The following ERICH3 variants were observed in gnomAD, a reference collection of about 807,000 sequenced individuals.
ERICH3 encodes the protein glutamate rich 3.
A neutral mutation model predicts 131.1 loss-of-function variants in ERICH3; 126 were observed. The ratio of observed to expected loss-of-function variants is 0.96; its 90% CI spans 0.83 to 1.11. The LOEUF (loss-of-function observed/expected upper bound fraction) is 1.11, where lower values mean the gene tolerates loss of function less well. ERICH3 is among the 50% of genes most tolerant of loss of function. ERICH3 has a pLI of 0.00. For missense variants in ERICH3, 2,050 were observed against 1,810.7 expected, an observed-to-expected ratio of 1.13 and a Z score of -2.40; for synonymous variants, 695 against 644.6, an observed-to-expected ratio of 1.08 and a Z score of -1.18.
intron 13 of ERICH3, among the ~76,000 whole-genome samples, chr1:74,575,907 A>G (rs1647044287): frequency 6.6e-6 from 1 of 150,634 alleles, no homozygotes; most frequent in Non-Finnish European, 1.5e-5. Context: ...TCTAAGAAAT[A>G]TTAGTATAAA....
Position 74,649,324 on chromosome 1 carries a change from C to T in ERICH3, c.24-9G>A, listed in dbSNP as rs776718158. ...TATATGCAGCAAGTAACCTAAAATA[C>T]AAAAATAAAACCAATAAGCTTTTAC... On this transcript the variant is annotated splice_polypyrimidine_tract_variant and intron_variant, in intron 1 of 14. Coordinates refer to ENST00000326665, the MANE Select transcript of ERICH3 (RefSeq NM_001002912.5). 7 of 1,601,814 alleles carry T rather than the reference C, an allele frequency of 4.4e-6. No homozygotes were observed. The African/African-American group carries it at 8.1e-5, about 18-fold the overall frequency.
chr1:74,572,818 T>C lies in ERICH3; in HGVS notation c.2892A>G (p.Ser964=), dbSNP rs766249203. 3.0e-5 allele frequency: 49 copies of C among 1,613,782 alleles called. No individual in the cohort carries two copies. Among genetic ancestry groups the C allele is most frequent in the African/African-American group, 4.0e-5 (3 of 74,898 alleles). Residue 964 remains serine, a synonymous_variant, in exon 14 of 15, where the codon TCA becomes TCG. Transcript: ENST00000326665. ...EDTGPMEDTA[S]KREDGSEEAI... is the part of the protein sequence containing the mutation. The stretch of plus-strand genomic sequence containing the variant: ...CCTCTTCAGAACCGTCCTCTCTCTT[T>C]GATGCTGTGTCCTCCATGGGTCCTG...
intron 11 of ERICH3, among the ~76,000 whole-genome samples, chr1:74,595,034 A>G (rs1267666210): frequency 1.3e-5 from 2 of 152,090 alleles, no homozygotes; most frequent in Non-Finnish European, 2.9e-5. Context: ...CAATTCTAAT[A>G]CCATCCAATT....
chr1:74,586,495 C>G (rs1557670044), intron 12 of ERICH3: 9 of 984,196 alleles, frequency 9.1e-6, no homozygotes, highest in East Asian at 2.3e-4. Context: ...TTATTCTTCT[C>G]TGTTCTGTAA....
At chr1:74,635,451 C>T (rs983275036) in intron 6 of ERICH3, among the ~76,000 whole-genome samples, 1 of 152,084 alleles carries the variant, frequency 6.6e-6, no homozygotes, top group Non-Finnish European at 1.5e-5. Context: ...GAATTAATTT[C>T]TTAGTGTCAA....
At position 74,571,167 on chromosome 1, in the gene ERICH3, G is replaced by T; in HGVS notation, c.4543C>A (p.Gln1515Lys). Residue 1515 changes from glutamine to lysine, a missense_variant, in exon 14 of 15, where the codon CAA becomes AAA. Gln to Lys is a moderately conservative substitution (Grantham distance 53, BLOSUM62 1). Coordinates refer to ENST00000326665, the MANE Select transcript of ERICH3 (RefSeq NM_001002912.5). ...ETREKQQHMV[Q>K]GESETADVSP... ...ACATCTGCAGTCTCGCTTTCTCCTT[G>T]CACCATATGCTGTTGCTTCTCTCGG... 6.2e-7 allele frequency: 1 copy of T among 1,614,052 alleles called. No individual in the cohort carries two copies. Among genetic ancestry groups the T allele is most frequent in the Non-Finnish European group, 8.5e-7 (1 of 1,179,998 alleles).
chr1:74,665,917 G>A (rs1646687730), intron 1 of ERICH3, among the ~76,000 whole-genome samples: 1 of 152,072 alleles, frequency 6.6e-6, no homozygotes, highest in Non-Finnish European at 1.5e-5. Context: ...TAACCAGAAA[G>A]GTGACCAACC....
chr1:74,615,832 C>G lies in ERICH3; in HGVS notation c.1001-3023G>C, dbSNP rs1648935749. On this transcript the variant is annotated intron_variant, in intron 8 of 14. Transcript: ENST00000326665. ...GGTAGGCCAGGCCACAAATAACCAG[C>G]CGCTTTGCTGTCTGTGGGGGTTGAC... is the stretch of plus-strand genomic sequence containing the variant. Among the ~76,000 whole-genome samples, 3 of 152,184 alleles carry G rather than the reference C, an allele frequency of 2.0e-5. No individual in the cohort carries two copies. In the South Asian group the frequency reaches 6.2e-4, roughly 32 times the overall value.
Position 74,672,645 on chromosome 1 carries a change from C to T in ERICH3, c.23+852G>A, listed in dbSNP as rs1646752365. Among the ~76,000 whole-genome samples the T allele has an allele frequency of 1.3e-5, 2 of 152,092 alleles. 1 individual carries two copies. The highest frequency in any genetic ancestry group is 4.1e-4 in the South Asian group (2 of 4,824). On this transcript the variant is annotated intron_variant, in intron 1 of 14. Transcript: ENST00000326665. ...TAAATGCAATTAAAAAGGAAAGTGC[C>T]TTCAATTTAATTGCAAGATTGACTA... is the stretch of plus-strand genomic sequence containing the variant.
At chr1:74,657,023 T>C (rs910353264) in intron 1 of ERICH3, among the ~76,000 whole-genome samples, 11 of 152,190 alleles carry the variant, frequency 7.2e-5, no homozygotes, top group African/African-American at 2.4e-4. Context: ...AATCAGTTAA[T>C]GGAAACAAAG....
chr1:74,606,811 C>G lies in ERICH3; in HGVS notation c.1279G>C (p.Ala427Pro). 2.5e-6 allele frequency: 4 copies of G among 1,613,274 alleles called. No individual in the cohort carries two copies. The highest frequency in any genetic ancestry group is 1.3e-5 in the African/African-American group (1 of 74,926). ...CTCTCTTTCCTCACTTTCCCCTCAGCCTTCTTCAGTTCCTCTCCTTTCTCA... is the reference window on the plus strand; with the variant it reads ...CTCTCTTTCCTCACTTTCCCCTCAGGCTTCTTCAGTTCCTCTCCTTTCTCA... ...STEKGEELKK[A>P]EGKVRKEREY... Residue 427 changes from alanine to proline, a missense_variant, in exon 10 of 15, where the codon GCT (alanine) becomes CCT (proline). Physicochemically the swap from Ala to Pro is conservative, Grantham distance 27. Coordinates refer to ENST00000326665, the MANE Select transcript of ERICH3 (RefSeq NM_001002912.5).
chr1:74,599,971 A>G (rs1353422777), intron 10 of ERICH3, 40 bp from the exon 11 acceptor site: 1 of 1,397,654 alleles, frequency 7.2e-7, no homozygotes, highest in Non-Finnish European at 9.9e-7. Flanking sequence ...TGAAAATAGA[A>G]CCCCTTATAC....
intron 12 of ERICH3, chr1:74,579,698 C>G: frequency 7.1e-6 from 7 of 985,298 alleles, no homozygotes; most frequent in Non-Finnish European, 8.4e-6. Flanking sequence ...TGTTTTCCAC[C>G]CATAGTAAAA....
At chr1:74,632,573 C>T (rs1396756396) in intron 6 of ERICH3, among the ~76,000 whole-genome samples, 6 of 151,922 alleles carry the variant, frequency 3.9e-5, no homozygotes, top group African/African-American at 1.4e-4. Context: ...TGCACACACA[C>T]ACACATATAT....
intron 1 of ERICH3, among the ~76,000 whole-genome samples, chr1:74,653,377 G>T (rs1357740740): frequency 1.3e-5 from 2 of 151,956 alleles, no homozygotes; most frequent in Non-Finnish European, 2.9e-5. Context: ...GTGCACGTGT[G>T]TGTGTGTCTG....
chr1:74,659,175 C>T (rs755949582), intron 1 of ERICH3, among the ~76,000 whole-genome samples: 4 of 152,076 alleles, frequency 2.6e-5, no homozygotes, highest in Non-Finnish European at 5.9e-5. Context: ...GAGGGGCAGG[C>T]GCGGGAACTT....
At chr1:74,670,615 G>A (rs117362199) in intron 1 of ERICH3, among the ~76,000 whole-genome samples, 12,794 of 152,194 alleles carry the variant, frequency 0.084, 564 homozygotes, top group South Asian at 0.11. Flanking sequence ...AGCTGAGGAT[G>A]TACATCACGT....
At chr1:74,667,532 G>A (rs1053356327) in intron 1 of ERICH3, among the ~76,000 whole-genome samples, 2 of 152,142 alleles carry the variant, frequency 1.3e-5, no homozygotes, top group African/African-American at 2.4e-5. Context: ...AATGGCTAAA[G>A]TTTTAATTGA....
intron 12 of ERICH3, among the ~76,000 whole-genome samples, chr1:74,584,395 G>C (rs1465471853): frequency 6.6e-6 from 1 of 152,070 alleles, no homozygotes; most frequent in African/African-American, 2.4e-5. Flanking sequence ...TTCCTCCTCT[G>C]ACCTCATCTT....
Sources: allele counts gnomAD v4.1 joint callset (sites outside exome capture counted in the v4.1 genomes callset), GRCh38; gene constraint gnomAD v4.1.1; transcripts MANE v1.5; gene names NCBI Gene and HGNC (gene_info 2026-07-23, HGNC 2026-07-21).